Variants in ECSIT observed in about 807,000 individuals in gnomAD.
ECSIT encodes evolutionarily conserved signaling intermediate in Toll pathway, mitochondrial.
ECSIT carries 29 observed loss-of-function variants against 36.8 expected under a neutral mutation model. The ratio of observed to expected loss-of-function variants is 0.79; its 90% CI spans 0.59 to 1.08. The LOEUF (loss-of-function observed/expected upper bound fraction) is 1.08, where lower values mean the gene tolerates loss of function less well. Among genes scored for constraint, ECSIT ranks in the 50% least tolerant of loss-of-function variants. The pLI is 0.00. For synonymous variants in ECSIT, 231 were observed against 234.8 expected (o/e 0.98, Z 0.15); for missense variants, 542 against 581.0 (o/e 0.93, Z 0.69).
In ECSIT at chr19:11,507,524, G is replaced by A. The variant is rs1254775774; in HGVS notation, c.984C>T (p.Tyr328=). 6.2e-7 allele frequency: 1 copy of A among 1,614,092 alleles called. No homozygotes were observed. Residue 328 remains tyrosine, a synonymous_variant, in exon 7 of 8, where the codon TAC becomes TAT. Coordinates refer to ENST00000270517, the MANE Select transcript of ECSIT (RefSeq NM_016581.5). ...CATACTCCAGGTCCAGCTGCATCGG[G>A]TAGTAGAGGTTCCACTCCTCCGGCG... ...EETPEEWNLY[Y]PMQLDLEYVR... is the part of the protein sequence containing the mutation.
intron 2 of ECSIT, among the ~76,000 whole-genome samples, 196 bp downstream of exon 2, chr19:11,518,879 A>G (rs1972048350): frequency 1.3e-5 from 2 of 152,206 alleles, no homozygotes; most frequent in African/African-American, 4.8e-5. Context: ...AGCCTTGGTG[A>G]CAGAGACACT....
intron 7 of ECSIT, among the ~76,000 whole-genome samples, chr19:11,506,647 G>A (rs1380638854): frequency 1.4e-5 from 2 of 146,998 alleles, no homozygotes; most frequent in African/African-American, 5.1e-5. Flanking sequence ...TGATTCTCCT[G>A]CCTCGGCCTC....
At chr19:11,509,197 C>G (rs564751905) in intron 4 of ECSIT, among the ~76,000 whole-genome samples, 1 of 151,344 alleles carries the variant, frequency 6.6e-6, no homozygotes, top group Non-Finnish European at 1.5e-5. Flanking sequence ...CTCAGCCTCC[C>G]GAGTAGCTGG....
At chr19:11,511,442 C>G (rs1385170837) in intron 4 of ECSIT, among the ~76,000 whole-genome samples, 1 of 151,986 alleles carries the variant, frequency 6.6e-6, no homozygotes, top group Non-Finnish European at 1.5e-5. Flanking sequence ...TGATTAGGAA[C>G]AGTGGAGCTG....
At chr19:11,515,597 C>T (rs1203375760) in intron 2 of ECSIT, among the ~76,000 whole-genome samples, 1 of 152,124 alleles carries the variant, frequency 6.6e-6, no homozygotes, top group Non-Finnish European at 1.5e-5. Context: ...GCTAGGATTA[C>T]AGGCGCCTGC....
In ECSIT at chr19:11,506,180, C is replaced by T. The variant is rs759112910; in HGVS notation, c.*4G>A. 6.2e-7 allele frequency: 1 copy of T among 1,604,018 alleles called. No individual in the cohort carries two copies. The highest frequency in any genetic ancestry group is 8.5e-7 in the Non-Finnish European group (1 of 1,179,764). Reference sequence around the variant, plus strand: ...CACAGCCCGTGCCCTCGCGCCGGCTCAGACTAGCTCTGGCCCTGCTGCTGT... The same window carrying T: ...CACAGCCCGTGCCCTCGCGCCGGCTTAGACTAGCTCTGGCCCTGCTGCTGT... On this transcript the variant is annotated 3_prime_UTR_variant, in exon 8 of 8. Coordinates refer to ENST00000270517, the MANE Select transcript of ECSIT (RefSeq NM_016581.5).
In ECSIT at chr19:11,513,257, C is replaced by T. The variant is rs369924985; in HGVS notation, c.537G>A (p.Thr179=). The change falls in exon 4 of 8, where the codon ACG becomes ACA. Residue 179 remains threonine (T), a synonymous_variant. Coordinates refer to ENST00000270517, the MANE Select transcript of ECSIT (RefSeq NM_016581.5). ...ENHGVMPNKE[T]EFLLIQIFGR... ...CAAAGATCTGAATCAGCAGGAACTC[C>T]GTCTCCTTGTTGGGCATCACACCTG... is the stretch of plus-strand genomic sequence containing the variant. The T allele has an allele frequency of 1.4e-5, 22 of 1,614,032 alleles. No homozygotes were observed. The highest frequency in any genetic ancestry group is 1.6e-4 in the Middle Eastern group (1 of 6,062).
At chr19:11,515,000 T>C (rs1356331174) in intron 2 of ECSIT, among the ~76,000 whole-genome samples, 5 of 149,718 alleles carry the variant, frequency 3.3e-5, no homozygotes. Flanking sequence ...CACCACGCCC[T>C]GCTAATTTTT....
rs1971723577 is a variant in ECSIT, at chr19:11,505,958, T to C, written c.*226A>G. 3.2e-6 allele frequency: 3 copies of C among 936,832 alleles called. No individual in the cohort carries two copies. Among genetic ancestry groups the C allele is most frequent in the South Asian group, 1.8e-5 (1 of 56,182 alleles). 58.0% of individuals were successfully genotyped at this position (936,832 alleles called of 1,614,324 possible). A position where few individuals can be genotyped will look rare whatever the true frequency, so the allele number is the denominator to read the frequency against. On this transcript the variant is annotated 3_prime_UTR_variant, in exon 8 of 8. Coordinates refer to ENST00000270517, the MANE Select transcript of ECSIT (RefSeq NM_016581.5). ...CACAACCAACAGCGCTCCCGCCCCT[T>C]TTTATTTGAATTCGGAGAACCAGAG...
chr19:11,510,092 C>T (rs886372494), intron 4 of ECSIT, among the ~76,000 whole-genome samples: 1 of 151,988 alleles, frequency 6.6e-6, no homozygotes, highest in African/African-American at 2.4e-5. Flanking sequence ...AGGCTGGTCT[C>T]GAACTCCCAA....
chr19:11,508,365 T>C (rs1350367198), intron 4 of ECSIT, among the ~76,000 whole-genome samples: 2 of 150,688 alleles, frequency 1.3e-5, no homozygotes, highest in Non-Finnish European at 2.9e-5. Context: ...ATAGGGATGA[T>C]AACAGCACTT....
rs1971927737 is a variant in ECSIT at position 11,513,840 on chromosome 19, A to G, written c.478T>C (p.Cys160Arg). ...IFVHYPRQQE[C>R]GIAVLEQMEN... ...ATCTGCTCCAGGACAGCAATCCCAC[A>G]CTCCTGCTGCCGAGGGTAGTGGACG... Residue 160 changes from cysteine to arginine, a missense_variant, in exon 3 of 8, where the codon TGT becomes CGT. Physicochemically the swap from Cys to Arg is radical, Grantham distance 180 (BLOSUM62 -3). Transcript: ENST00000270517. The G allele has an allele frequency of 6.2e-7, 1 of 1,613,724 alleles. No homozygotes were observed. Among genetic ancestry groups the G allele is most frequent in the South Asian group, 1.1e-5 (1 of 91,056 alleles).
At chr19:11,518,282 C>T (rs1972036728) in intron 2 of ECSIT, among the ~76,000 whole-genome samples, 2 of 152,108 alleles carry the variant, frequency 1.3e-5, no homozygotes, top group Admixed American at 6.6e-5. Flanking sequence ...CAAAAATTAG[C>T]TGGGCGTGGT....
intron 1 of ECSIT, among the ~76,000 whole-genome samples, chr19:11,526,886 A>G (rs1412675231): frequency 1.3e-5 from 2 of 151,584 alleles, no homozygotes; most frequent in African/African-American, 4.8e-5. Context: ...CACCCAGCTA[A>G]TTTTTTGTAT....
intron 1 of ECSIT, chr19:11,523,669 G>A: frequency 1.3e-6 from 1 of 750,348 alleles, no homozygotes; most frequent in Non-Finnish European, 2.4e-6. Flanking sequence ...CTTAATTAAG[G>A]TTGATGACAA....
chr19:11,518,714 T>C (rs1972045673), intron 2 of ECSIT, among the ~76,000 whole-genome samples: 1 of 152,008 alleles, frequency 6.6e-6, no homozygotes, highest in Non-Finnish European at 1.5e-5. Context: ...CTGCCCAACA[T>C]GGTGAAACCC....
At chr19:11,524,818 T>C (rs982388177) in intron 1 of ECSIT, among the ~76,000 whole-genome samples, 1 of 151,836 alleles carries the variant, frequency 6.6e-6, no homozygotes, top group Non-Finnish European at 1.5e-5. Flanking sequence ...AGTGAGACCC[T>C]ATCTCAAAAA....
At chr19:11,518,237 G>A (rs972780367) in intron 2 of ECSIT, among the ~76,000 whole-genome samples, 6 of 151,766 alleles carry the variant, frequency 4.0e-5, no homozygotes, top group African/African-American at 7.3e-5. Context: ...GACCAGCCTC[G>A]CCAACATGGC....
At chr19:11,507,612 G>A (rs376828070) in intron 6 of ECSIT, 50 bp from the exon 7 acceptor site, 39 of 1,612,574 alleles carry the variant, frequency 2.4e-5, no homozygotes, top group Admixed American at 5.0e-5. Context: ...GGGCTCTCTC[G>A]GTCTCCCTCC....
Sources: gnomAD v4.1 joint callset for allele counts (sites outside exome capture counted in the v4.1 genomes callset) on GRCh38, gnomAD v4.1.1 for gene constraint, MANE v1.5 for transcripts, NCBI Gene and HGNC (gene_info 2026-07-23, HGNC 2026-07-21) for gene names.